The following STIM2 variants were observed in gnomAD, a reference collection of about 807,000 sequenced individuals.
STIM2 encodes stromal interaction molecule 2.
Under a neutral mutation model 85.8 loss-of-function variants are expected in STIM2, and 31 were observed. The observed-to-expected ratio is 0.36, with a 90% CI of 0.27 to 0.49. The LOEUF is 0.49. STIM2 is among the 20% of genes least tolerant of loss of function. STIM2 has a pLI of 0.98. For missense variants in STIM2, 841 were observed against 927.6 expected (o/e 0.91, Z 1.21); for synonymous variants, 356 against 331.1 (o/e 1.08, Z -0.82).
intron 1 of STIM2, among the ~76,000 whole-genome samples, chr4:26,886,326 G>A (rs976386562): frequency 1.3e-5 from 2 of 152,040 alleles, no homozygotes; most frequent in African/African-American, 4.8e-5. Flanking sequence ...AGGTATTGGA[G>A]CAATGAAGAA....
At chr4:27,002,486 G>T (rs1728191250) in intron 6 of STIM2, 92 bp downstream of exon 6, 1 of 953,530 alleles carries the variant, frequency 1.0e-6, no homozygotes, top group South Asian at 1.8e-5. Flanking sequence ...TTACATTTAG[G>T]TTATTATACA....
intron 10 of STIM2, among the ~76,000 whole-genome samples, chr4:27,015,505 T>G (rs2109142943): frequency 6.6e-6 from 1 of 152,170 alleles, no homozygotes; most frequent in South Asian, 2.1e-4. Flanking sequence ...CAACTGGGAA[T>G]GATAAATTCT....
At chr4:26,885,134 T>C (rs1310832816) in intron 1 of STIM2, among the ~76,000 whole-genome samples, 1 of 152,230 alleles carries the variant, frequency 6.6e-6, no homozygotes, top group African/African-American at 2.4e-5. Context: ...GATTGTTGAT[T>C]TGTGTTCCAC....
Position 26,928,004 on chromosome 4 carries a change from C to T in STIM2, c.282+8370C>T, listed in dbSNP as rs186055461. 1.7e-3 allele frequency among the ~76,000 whole-genome samples: 259 copies of T among 151,634 alleles called. 1 individual carries two copies. Among genetic ancestry groups the T allele is most frequent in the Non-Finnish European group, 3.0e-3 (204 of 67,924 alleles). On this transcript the variant is annotated intron_variant, in intron 2 of 11. Coordinates refer to ENST00000467087, the MANE Select transcript of STIM2 (RefSeq NM_020860.4). ...CTCACAGTTGTGGAAGTTGGGAAGTCCAACATCAAGGTGCTGGCAGGTTTG... is the reference window on the plus strand; with the variant it reads ...CTCACAGTTGTGGAAGTTGGGAAGTTCAACATCAAGGTGCTGGCAGGTTTG...
Position 27,008,547 on chromosome 4 carries a change from CTTTTA to C in STIM2, c.1250+23_1250+27del, listed in dbSNP as rs1728449217. The stretch of plus-strand genomic sequence containing the variant: ...AAGCAAAGTAAGAATGTTGTTTTCA[CTTTTA>C]TTTGATTTATGTTTATTGTGTTAAA... On this transcript the variant is annotated intron_variant, in intron 9 of 11. Coordinates refer to ENST00000467087, the MANE Select transcript of STIM2 (RefSeq NM_020860.4). 8 of 1,525,898 alleles carry C rather than the reference CTTTTA, an allele frequency of 5.2e-6. No homozygotes were observed. Among genetic ancestry groups the C allele is most frequent in the Non-Finnish European group, 7.1e-6 (8 of 1,120,498 alleles). 94.5% of individuals were successfully genotyped at this position (1,525,898 alleles called of 1,614,324 possible). A position where few individuals can be genotyped will look rare whatever the true frequency, so the allele number is the denominator to read the frequency against.
At chr4:26,958,038 A>G (rs1726316800) in intron 3 of STIM2, among the ~76,000 whole-genome samples, 1 of 152,194 alleles carries the variant, frequency 6.6e-6, no homozygotes, top group Non-Finnish European at 1.5e-5. Context: ...GGTTTAGCAA[A>G]TAAACATATG....
chr4:27,010,841 A>T (rs993753348), intron 10 of STIM2, among the ~76,000 whole-genome samples: 11 of 152,230 alleles, frequency 7.2e-5, no homozygotes, highest in African/African-American at 2.7e-4. Flanking sequence ...GAAAATATCA[A>T]TGGTTAGCTC....
At chr4:26,894,089 A>G (rs1188669906) in intron 1 of STIM2, among the ~76,000 whole-genome samples, 2 of 152,126 alleles carry the variant, frequency 1.3e-5, no homozygotes, top group East Asian at 3.9e-4. Context: ...GGGTTTCACC[A>G]TCTTGGCCAG....
Position 26,861,332 on chromosome 4 carries a change from C to T in STIM2, c.114C>T (p.Pro38=). The change falls in exon 1 of 12, where the codon CCC becomes CCT. Residue 38 remains proline, a synonymous_variant. Coordinates refer to ENST00000467087, the MANE Select transcript of STIM2 (RefSeq NM_020860.4). ...CTGCCGCAACTGCCGCCTCCTCTCC[C>T]GCCGCGGCGGCCGGCGATAGCCCGG... 7.2e-7 allele frequency: 1 copy of T among 1,382,752 alleles called. No homozygotes were observed. The highest frequency in any genetic ancestry group is 3.1e-5 in the East Asian group (1 of 32,282). 85.7% of individuals were successfully genotyped at this position (1,382,752 alleles called of 1,614,324 possible).
intron 10 of STIM2, among the ~76,000 whole-genome samples, chr4:27,015,055 A>G (rs994795414): frequency 6.6e-6 from 1 of 151,976 alleles, no homozygotes; most frequent in Non-Finnish European, 1.5e-5. Flanking sequence ...TAGACACTAG[A>G]TATATCTCTA....
At chr4:26,907,449 C>T (rs761713113) in intron 1 of STIM2, among the ~76,000 whole-genome samples, 2 of 152,102 alleles carry the variant, frequency 1.3e-5, no homozygotes, top group Non-Finnish European at 2.9e-5. Flanking sequence ...TTTTTGCAGG[C>T]TGTTAACAAG....
At position 27,013,490 on chromosome 4, in the gene STIM2, C is replaced by T. The variant is rs189116077; in HGVS notation, c.1490-4221C>T. ...GCCAAGGATAAGGGGGAATACTATA[C>T]TCCTTATTCTTTCATTCCATTCTTT... is the stretch of plus-strand genomic sequence containing the variant. On this transcript the variant is annotated intron_variant, in intron 10 of 11. Coordinates refer to ENST00000467087, the MANE Select transcript of STIM2 (RefSeq NM_020860.4). 1.3e-3 allele frequency among the ~76,000 whole-genome samples: 196 copies of T among 152,128 alleles called. 1 individual carries two copies. The highest frequency in any genetic ancestry group is 4.5e-3 in the African/African-American group (187 of 41,556).
intron 2 of STIM2, among the ~76,000 whole-genome samples, chr4:26,951,493 A>C (rs1203717915): frequency 1.3e-5 from 2 of 152,060 alleles, no homozygotes; most frequent in Non-Finnish European, 2.9e-5. Context: ...CTCAGGGATC[A>C]CTGTTCTTTG....
intron 1 of STIM2, among the ~76,000 whole-genome samples, chr4:26,883,165 C>T (rs912403879): frequency 6.6e-6 from 1 of 151,798 alleles, no homozygotes. Flanking sequence ...GTCTTTTCTG[C>T]CATGGGGACT....
chr4:26,976,776 C>CACT (rs987112588), intron 3 of STIM2, among the ~76,000 whole-genome samples: 3 of 152,070 alleles, frequency 2.0e-5, no homozygotes, highest in African/African-American at 7.2e-5. Context: ...TGCACTCCAG[C>CACT]CTGGGTGACA....
At chr4:26,968,133 T>G (rs1726801185) in intron 3 of STIM2, among the ~76,000 whole-genome samples, 1 of 152,114 alleles carries the variant, frequency 6.6e-6, no homozygotes, top group Non-Finnish European at 1.5e-5. Flanking sequence ...TTTGTGCCAC[T>G]GCACTACAGC....
At chr4:26,882,177 A>G (rs140349155) in intron 1 of STIM2, among the ~76,000 whole-genome samples, 21 of 152,338 alleles carry the variant, frequency 1.4e-4, no homozygotes, top group African/African-American at 5.0e-4. Context: ...AAGATGTGTT[A>G]AACTAATGAG....
intron 2 of STIM2, among the ~76,000 whole-genome samples, chr4:26,942,782 A>G (rs1324600059): frequency 6.6e-6 from 1 of 151,930 alleles, no homozygotes; most frequent in African/African-American, 2.4e-5. Flanking sequence ...ATCTCCTTGG[A>G]CTACACGTAT....
chr4:26,906,670 T>C (rs370931498), intron 1 of STIM2, among the ~76,000 whole-genome samples: 6 of 152,286 alleles, frequency 3.9e-5, no homozygotes, highest in South Asian at 4.1e-4. Context: ...TTTCCTAGCA[T>C]GTGATACCTC....
Sources: allele counts gnomAD v4.1 joint callset (sites outside exome capture counted in the v4.1 genomes callset), GRCh38; gene constraint gnomAD v4.1.1; transcripts MANE v1.5; gene names NCBI Gene and HGNC (gene_info 2026-07-23, HGNC 2026-07-21).